CYSTM1: variants seen among roughly 807,000 people sequenced by gnomAD.
The protein encoded by CYSTM1 is cysteine-rich transmembrane module-containing protein 1.
A neutral mutation model predicts 13.1 loss-of-function variants in CYSTM1; 4 were observed. That is an observed-to-expected ratio of 0.31 (90% confidence interval 0.15 to 0.70). CYSTM1 has a LOEUF of 0.70. Among genes scored for constraint, CYSTM1 ranks in the 30% least tolerant of loss-of-function variants. The probability of loss-of-function intolerance (pLI) is 0.72; values close to 1 mark genes in which losing one functional copy is unlikely to be tolerated. For missense variants in CYSTM1, 96 were observed against 121.6 expected, an observed-to-expected ratio of 0.79 and a Z score of 0.99; for synonymous variants, 36 against 42.7, an observed-to-expected ratio of 0.84 and a Z score of 0.62.
rs1256829662 is a variant in CYSTM1, at chr5:140,226,607, TATATAA to T, written c.188-16696_188-16691del. Among the ~76,000 whole-genome samples, 97 of 112,792 alleles carry T rather than the reference TATATAA, an allele frequency of 8.6e-4. 8 individuals are homozygous for T. The highest frequency in any genetic ancestry group is 4.1e-3 in the Middle Eastern group (1 of 242). 74.0% of individuals were successfully genotyped at this position (112,792 alleles called of 152,430 possible). A position where few individuals can be genotyped will look rare whatever the true frequency, so the allele number is the denominator to read the frequency against. Reference sequence around the variant, plus strand: ...AATATTATATATATATATATATATATATATAAAAATTAGCCAGATGTGATGGCGCAT... The same window carrying T: ...AATATTATATATATATATATATATATAAATTAGCCAGATGTGATGGCGCAT... On this transcript the variant is annotated intron_variant, in intron 2 of 2. Coordinates refer to ENST00000261811, the MANE Select transcript of CYSTM1 (RefSeq NM_032412.4).
intron 2 of CYSTM1, among the ~76,000 whole-genome samples, chr5:140,222,364 C>G (rs1403771869): frequency 6.6e-6 from 1 of 152,250 alleles, no homozygotes; most frequent in East Asian, 1.9e-4. Context: ...CGGTTTTTCC[C>G]CATACCAGCT....
chr5:140,177,713 C>T (rs990447589), intron 1 of CYSTM1, among the ~76,000 whole-genome samples: 1 of 152,100 alleles, frequency 6.6e-6, no homozygotes, highest in Non-Finnish European at 1.5e-5. Flanking sequence ...CCCGTGTGTT[C>T]CTGTTGAGTG....
intron 1 of CYSTM1, among the ~76,000 whole-genome samples, chr5:140,180,972 T>C (rs914711806): frequency 5.3e-5 from 8 of 152,182 alleles, no homozygotes; most frequent in African/African-American, 1.2e-4. Flanking sequence ...CTCAAGAGCA[T>C]TGGCTCAGAA....
intron 2 of CYSTM1, chr5:140,200,297 A>G (rs1181092819): frequency 6.6e-6 from 1 of 152,124 alleles, no homozygotes; most frequent in South Asian, 2.1e-4. Context: ...TAATTTTTGT[A>G]TAAGGTATAA....
chr5:140,178,776 G>GT (rs1204534493), intron 1 of CYSTM1, among the ~76,000 whole-genome samples: 5 of 151,568 alleles, frequency 3.3e-5, no homozygotes, highest in African/African-American at 4.8e-5. Context: ...AATTTTTTGT[G>GT]TTTTTTGTGG....
At chr5:140,215,465 A>G (rs1453088311) in intron 2 of CYSTM1, among the ~76,000 whole-genome samples, 1 of 149,990 alleles carries the variant, frequency 6.7e-6, no homozygotes, top group Non-Finnish European at 1.5e-5. Context: ...CCCTGATAAT[A>G]GGCTGCAGTT....
At chr5:140,222,987 C>G (rs1764508968) in intron 2 of CYSTM1, among the ~76,000 whole-genome samples, 1 of 152,206 alleles carries the variant, frequency 6.6e-6, no homozygotes, top group African/African-American at 2.4e-5. Flanking sequence ...CATATCCTGG[C>G]CTGTAGTCTG....
chr5:140,207,832 C>T (rs980805851), intron 2 of CYSTM1, among the ~76,000 whole-genome samples: 2 of 152,160 alleles, frequency 1.3e-5, no homozygotes, highest in African/African-American at 4.8e-5. Context: ...GAGTGGTACT[C>T]CTCACCTCCC....
In CYSTM1 at chr5:140,208,496, TGAATGAG is replaced by T. The variant is rs1205225024; in HGVS notation, c.187+13845_187+13851del. On this transcript the variant is annotated intron_variant, in intron 2 of 2. Transcript: ENST00000261811. ...GATACAAAAGAATAGTTAGAAAGAA[TGAATGAG>T]TCTGGTATTTGCTAGCACAACAGAG... Among the ~76,000 whole-genome samples, 334 of 152,216 alleles carry T rather than the reference TGAATGAG, an allele frequency of 2.2e-3. 1 individual carries two copies. Among genetic ancestry groups the T allele is most frequent in the African/African-American group, 7.7e-3 (321 of 41,512 alleles).
In CYSTM1 at chr5:140,239,212, C is replaced by T. The variant is rs1764719076; in HGVS notation, c.188-4093C>T. Among the ~76,000 whole-genome samples the T allele has an allele frequency of 1.3e-5, 2 of 152,180 alleles. No individual in the cohort carries two copies. Among genetic ancestry groups the T allele is most frequent in the Non-Finnish European group, 2.9e-5 (2 of 68,032 alleles). On this transcript the variant is annotated intron_variant, in intron 2 of 2. Coordinates refer to ENST00000261811, the MANE Select transcript of CYSTM1 (RefSeq NM_032412.4). This position sits in a 1 kb window ranked among gnomAD's most constrained non-coding sequence, Gnocchi z 5.4. ...GTCCCAGCCATGCAGATGAAGGTTT[C>T]AGATGCCAGAATGGGGCTGAGAATT... is the stretch of plus-strand genomic sequence containing the variant.
intron 1 of CYSTM1, among the ~76,000 whole-genome samples, chr5:140,187,105 G>A (rs897831973): frequency 6.6e-6 from 1 of 151,896 alleles, no homozygotes; most frequent in Admixed American, 6.6e-5. Context: ...CAGCCTGGGC[G>A]ACAAAGTGAA....
chr5:140,232,741 T>C, intron 2 of CYSTM1, among the ~76,000 whole-genome samples: 1 of 152,120 alleles, frequency 6.6e-6, no homozygotes, highest in East Asian at 1.9e-4. Flanking sequence ...ACAGGCAAGC[T>C]CACAGGTGCA....
intron 2 of CYSTM1, among the ~76,000 whole-genome samples, chr5:140,208,040 CA>C (rs997206728): frequency 6.6e-6 from 1 of 152,078 alleles, no homozygotes; most frequent in South Asian, 2.1e-4. Context: ...GGAGGTTCCT[CA>C]AAAAACTAAA....
intron 2 of CYSTM1, among the ~76,000 whole-genome samples, chr5:140,211,339 A>T (rs1448355270): frequency 1.3e-5 from 2 of 152,204 alleles, no homozygotes; most frequent in African/African-American, 4.8e-5. Flanking sequence ...CTGATTCCAG[A>T]GGCTATGCTT....
intron 1 of CYSTM1, among the ~76,000 whole-genome samples, chr5:140,191,279 G>A (rs1012714090): frequency 6.6e-6 from 1 of 151,836 alleles, no homozygotes; most frequent in Middle Eastern, 3.5e-3. Context: ...GAGTGTATGT[G>A]TGGAAGGAGG....
At chr5:140,176,509 T>G (rs546993656) in intron 1 of CYSTM1, among the ~76,000 whole-genome samples, 11 of 152,300 alleles carry the variant, frequency 7.2e-5, no homozygotes, top group Admixed American at 2.6e-4. Flanking sequence ...TTCGAGTATC[T>G]CATTTGACGG....
At chr5:140,216,644 C>T (rs1764430604) in intron 2 of CYSTM1, among the ~76,000 whole-genome samples, 1 of 152,136 alleles carries the variant, frequency 6.6e-6, no homozygotes. Flanking sequence ...TCAGCTTGTA[C>T]CAGGAAGCTT....
intron 2 of CYSTM1, among the ~76,000 whole-genome samples, chr5:140,204,915 G>A (rs539882287): frequency 2.0e-5 from 3 of 152,218 alleles, no homozygotes; most frequent in African/African-American, 7.2e-5. Flanking sequence ...CCCTTCCCTT[G>A]CTATTTTAAC....
chr5:140,181,320 C>G (rs1261663104), intron 1 of CYSTM1, among the ~76,000 whole-genome samples: 2 of 152,146 alleles, frequency 1.3e-5, no homozygotes, highest in African/African-American at 4.8e-5. Flanking sequence ...TCTGCCTCTT[C>G]CCCACTAACA....
Sources: gnomAD v4.1 joint callset for allele counts (sites outside exome capture counted in the v4.1 genomes callset) on GRCh38, gnomAD v4.1.1 for gene constraint, Gnocchi (gnomAD v3.1) non-coding constraint, MANE v1.5 for transcripts, NCBI Gene and HGNC (gene_info 2026-07-23, HGNC 2026-07-21) for gene names.